The following PES1 variants were observed in gnomAD, a reference collection of about 807,000 sequenced individuals.
The protein encoded by PES1 is pescadillo homolog.
A neutral mutation model predicts 77.1 loss-of-function variants in PES1; 31 were observed. The observed-to-expected ratio is 0.40, with a 90% confidence interval of 0.30 to 0.54. The LOEUF is 0.54. PES1 is among the 20% of genes least tolerant of loss of function. The pLI is 0.45. For synonymous variants in PES1, 282 were observed against 303.0 expected (o/e 0.93, Z 0.72); for missense variants, 658 against 771.7 (o/e 0.85, Z 1.75).
intron 1 of PES1, among the ~76,000 whole-genome samples, 197 bp from the exon 2 acceptor site, chr22:30,589,467 G>A (rs1569027341): frequency 1.3e-5 from 2 of 152,164 alleles, no homozygotes; most frequent in African/African-American, 2.4e-5. Context: ...TGTCAGCATA[G>A]GGAACACATA....
At chr22:30,589,147 G>T in intron 2 of PES1, 44 bp downstream of exon 2, 1 of 1,456,346 alleles carries the variant, frequency 6.9e-7, no homozygotes, top group Non-Finnish European at 9.6e-7. Flanking sequence ...AGTTTTCAAT[G>T]TGCAATTCAC....
upstream of PES1, chr22:30,591,932 A>G (rs555489165): frequency 4.8e-5 from 70 of 1,460,864 alleles, no homozygotes; most frequent in African/African-American, 7.7e-4. Context: ...TCCCCACCCC[A>G]CGCTGTCTGT....
chr22:30,606,987 G>A, exon 1 of PES1: 4 of 694,132 alleles, frequency 5.8e-6, no homozygotes, highest in Non-Finnish European at 8.1e-6. Flanking sequence ...CAGGCATCAG[G>A]CCCTCTGCGC....
At chr22:30,606,350 C>CTA (rs2087442237) in intron 1 of PES1, among the ~76,000 whole-genome samples, 3 of 151,680 alleles carry the variant, frequency 2.0e-5, no homozygotes, top group African/African-American at 7.3e-5. Context: ...CCTGCCTCAG[C>CTA]CCCCCAAGTA....
intron 2 of PES1, among the ~76,000 whole-genome samples, chr22:30,599,693 A>C (rs931031422): frequency 6.6e-6 from 1 of 151,948 alleles, no homozygotes; most frequent in African/African-American, 2.4e-5. Context: ...TGAGGTTGGG[A>C]GATCAAGACC....
chr22:30,606,358 G>A (rs767827097), intron 1 of PES1, among the ~76,000 whole-genome samples: 69 of 152,058 alleles, frequency 4.5e-4, no homozygotes, highest in Non-Finnish European at 9.0e-4. Flanking sequence ...AGCCCCCCAA[G>A]TAGCTGGGAT....
chr22:30,585,064 T>C (rs539418875), intron 4 of PES1, among the ~76,000 whole-genome samples: 7 of 152,260 alleles, frequency 4.6e-5, no homozygotes, highest in African/African-American at 1.2e-4. Context: ...GTGGAAACTT[T>C]AGTGCACAGA....
In PES1 at chr22:30,600,689, G is replaced by A. The variant is rs182215801; in HGVS notation, c.-661+4772C>T. ...AAATTAGCCAGGAGTGGTGGCGGGC[G>A]CCTGTAGTCCCAGCTATTCAGGAGG... On this transcript the variant is annotated intron_variant, in intron 2 of 16. Coordinates refer to the PES1 transcript ENST00000402281. Among the ~76,000 whole-genome samples, 412 of 152,230 alleles carry A rather than the reference G, an allele frequency of 2.7e-3. 1 individual carries two copies. Among genetic ancestry groups the A allele is most frequent in the African/African-American group, 9.1e-3 (379 of 41,526 alleles).
chr22:30,579,409 A>T, intron 12 of PES1, 106 bp from the exon 13 acceptor site: 1 of 1,558,314 alleles, frequency 6.4e-7, no homozygotes. Context: ...GTCTTTAGCC[A>T]TGGGCAGTTC....
intron 1 of PES1, among the ~76,000 whole-genome samples, chr22:30,590,681 AG>A (rs1399488505): frequency 1.3e-5 from 2 of 152,044 alleles, no homozygotes; most frequent in Non-Finnish European, 2.9e-5. Flanking sequence ...TGGGGGGAGG[AG>A]AGTTCAGCAA....
At chr22:30,580,875 C>G (rs986532618) in intron 9 of PES1, 137 bp downstream of exon 9, 3 of 1,161,420 alleles carry the variant, frequency 2.6e-6, no homozygotes, top group Non-Finnish European at 3.7e-6. Context: ...ACTCTGATGA[C>G]AATTCAGCCC....
chr22:30,605,772 G>C (rs1350610042), intron 1 of PES1, among the ~76,000 whole-genome samples: 2 of 152,178 alleles, frequency 1.3e-5, no homozygotes, highest in African/African-American at 4.8e-5. Context: ...AAATTTTCAA[G>C]TAGTTCCGTA....
At chr22:30,603,191 A>G (rs1347306458) in intron 2 of PES1, among the ~76,000 whole-genome samples, 21 of 151,540 alleles carry the variant, frequency 1.4e-4, no homozygotes, top group Non-Finnish European at 3.0e-5. Context: ...GATTTCAGGC[A>G]TGAGCCACTG....
chr22:30,585,822 T>C (rs945928811), intron 4 of PES1, among the ~76,000 whole-genome samples: 2 of 151,866 alleles, frequency 1.3e-5, no homozygotes, highest in African/African-American at 2.4e-5. Context: ...CAGCCCCAGA[T>C]AGCATCACTC....
At position 30,590,507 on chromosome 22, in the gene PES1, G is replaced by C. The variant is rs530759704; in HGVS notation, c.25-1237C>G. 5.9e-5 allele frequency among the ~76,000 whole-genome samples: 9 copies of C among 152,282 alleles called. No individual in the cohort carries two copies. The South Asian group carries it at 6.2e-4, about 11-fold the overall frequency. ...CTATTAGGTATTAGGCCCATGCTAA[G>C]TCTTGGAGGTATAAAGATGAGTTTC... On this transcript the variant is annotated intron_variant, in intron 1 of 14. Coordinates refer to ENST00000354694, the MANE Select transcript of PES1 (RefSeq NM_014303.4).
intron 8 of PES1, 75 bp downstream of exon 8, chr22:30,581,259 C>T (rs2086982708): frequency 1.3e-6 from 2 of 1,523,834 alleles, no homozygotes; most frequent in South Asian, 2.3e-5. Context: ...CCACTCTGAA[C>T]CAGACCCCCA....
chr22:30,590,107 C>T (rs1352922670), intron 1 of PES1, among the ~76,000 whole-genome samples: 1 of 152,164 alleles, frequency 6.6e-6, no homozygotes, highest in Non-Finnish European at 1.5e-5. Flanking sequence ...ATGGTCAAAG[C>T]ACTAAGCTAG....
rs552998060 is a variant in PES1 at position 30,606,747 on chromosome 22, C to T, written c.-718+62G>A. 137 of 706,978 alleles carry T rather than the reference C, an allele frequency of 1.9e-4. No individual in the cohort carries two copies. The South Asian group carries it at 7.4e-3, about 38-fold the overall frequency. The allele number at this position is 706,978 out of a possible 1,614,324, so 43.8% of individuals were successfully genotyped here. ...CCCAACTCCCCCACCCCCACAATCC[C>T]CTCCCGCCACAACTGAGGGAGGCGG... On this transcript the variant is annotated intron_variant, in intron 1 of 16. Transcript: ENST00000402281.
At chr22:30,581,244 C>G in intron 8 of PES1, 90 bp downstream of exon 8, 1 of 1,453,874 alleles carries the variant, frequency 6.9e-7, no homozygotes, top group East Asian at 2.3e-5. Context: ...TAGCCATAAC[C>G]ACCCCCACTC....
Sources: gnomAD v4.1 joint callset for allele counts (sites outside exome capture counted in the v4.1 genomes callset) on GRCh38, gnomAD v4.1.1 for gene constraint, MANE v1.5 for transcripts, NCBI Gene and HGNC (gene_info 2026-07-23, HGNC 2026-07-21) for gene names.